CNTLN: variants seen among roughly 807,000 people sequenced by gnomAD.
CNTLN encodes the protein centlein.
A neutral mutation model predicts 180.0 loss-of-function variants in CNTLN; 212 were observed. The observed-to-expected ratio is 1.18, with a 90% CI of 1.05 to 1.32. CNTLN has a LOEUF of 1.32. Ranked by LOEUF, CNTLN falls within the 40% of genes most tolerant of loss-of-function variation. The pLI, the probability that CNTLN is intolerant of heterozygous loss-of-function variation, is 0.00. For synonymous variants in CNTLN, 722 were observed against 563.1 expected, an observed-to-expected ratio of 1.28 and a Z score of -3.99; for missense variants, 2,095 against 1,610.9, an observed-to-expected ratio of 1.30 and a Z score of -5.14.
intron 21 of CNTLN, 53 bp downstream of exon 21, chr9:17,464,676 ACT>A (rs1831642931): frequency 1.8e-6 from 2 of 1,116,086 alleles, no homozygotes; most frequent in African/African-American, 3.3e-5. Context: ...TGTTGTAATT[ACT>A]CTCTTACCAC....
chr9:17,241,310 A>T (rs926956255), intron 5 of CNTLN, among the ~76,000 whole-genome samples: 4 of 152,280 alleles, frequency 2.6e-5, no homozygotes, highest in Non-Finnish European at 4.4e-5. Flanking sequence ...TTAACTGAAG[A>T]CACTGTCTTC....
intron 2 of CNTLN, among the ~76,000 whole-genome samples, chr9:17,154,092 T>G (rs114397203): frequency 0.02 from 3,029 of 152,220 alleles, 66 homozygotes; most frequent in African/African-American, 0.053. Flanking sequence ...CTTGCATTAG[T>G]TTAGAACATG....
chr9:17,473,948 A>T (rs1231221635), intron 23 of CNTLN, among the ~76,000 whole-genome samples: 1 of 152,062 alleles, frequency 6.6e-6, no homozygotes, highest in African/African-American at 2.4e-5. Context: ...GATGTACTAC[A>T]CTGTATTGGT....
At chr9:17,173,037 C>T (rs1820510550) in intron 2 of CNTLN, among the ~76,000 whole-genome samples, 1 of 152,158 alleles carries the variant, frequency 6.6e-6, no homozygotes, top group African/African-American at 2.4e-5. Context: ...AAGTTAATGG[C>T]TTCAGCATCA....
intron 7 of CNTLN, among the ~76,000 whole-genome samples, chr9:17,307,250 T>C (rs1818782103): frequency 6.6e-6 from 1 of 151,662 alleles, no homozygotes; most frequent in Admixed American, 6.6e-5. Context: ...TTTAAATATC[T>C]CCACAATAAT....
At chr9:17,245,531 G>A (rs1007711077) in intron 5 of CNTLN, among the ~76,000 whole-genome samples, 3 of 151,226 alleles carry the variant, frequency 2.0e-5, no homozygotes, top group Admixed American at 6.6e-5. Context: ...TTTTCTTTGG[G>A]TTACATCTAC....
the CNTLN span, among the ~76,000 whole-genome samples, chr9:17,517,406 A>C: frequency 9.9e-5 from 15 of 151,886 alleles, no homozygotes; most frequent in African/African-American, 3.4e-4. Context: ...AAAACAAAAA[A>C]AAAAAGTTAA....
At chr9:17,483,642 A>C (rs936996787) in intron 23 of CNTLN, among the ~76,000 whole-genome samples, 5 of 152,188 alleles carry the variant, frequency 3.3e-5, no homozygotes, top group Admixed American at 1.3e-4. Context: ...ACCCACACGT[A>C]GGTGTGGTAT....
chr9:17,331,953 A>C (rs1820673004), intron 9 of CNTLN, among the ~76,000 whole-genome samples: 1 of 152,062 alleles, frequency 6.6e-6, no homozygotes, highest in African/African-American at 2.4e-5. Context: ...TATTATGGCC[A>C]AAATTTTCTT....
chr9:17,194,691 A>C (rs1045128227), intron 2 of CNTLN, among the ~76,000 whole-genome samples: 1 of 152,184 alleles, frequency 6.6e-6, no homozygotes, highest in African/African-American at 2.4e-5. Flanking sequence ...TTTGTTACCC[A>C]GTTCAAAGTC....
At chr9:17,274,731 G>T (rs1285515132) in intron 6 of CNTLN, among the ~76,000 whole-genome samples, 2 of 152,146 alleles carry the variant, frequency 1.3e-5, no homozygotes, top group South Asian at 2.1e-4. Context: ...TACACATTGG[G>T]TGGAGTTCTT....
chr9:17,339,655 C>A lies in CNTLN; in HGVS notation c.1645-1172C>A, dbSNP rs150824022. ...CCTCCACCACATAAGTATACAAGTT[C>A]ATTCATACAGAAATATGAATAACAG... On this transcript the variant is annotated intron_variant, in intron 10 of 25. Coordinates refer to ENST00000380647, the MANE Select transcript of CNTLN (RefSeq NM_017738.4). Among the ~76,000 whole-genome samples, 753 of 152,212 alleles carry A rather than the reference C, an allele frequency of 4.9e-3. 4 individuals are homozygous for A. The highest frequency in any genetic ancestry group is 0.017 in the African/African-American group (702 of 41,538).
At chr9:17,249,425 T>G (rs1326599184) in intron 5 of CNTLN, among the ~76,000 whole-genome samples, 1 of 146,920 alleles carries the variant, frequency 6.8e-6, no homozygotes. Context: ...CTTGGCTCAC[T>G]GCAAGCTCTA....
At chr9:17,422,437 A>C (rs993140174) in intron 18 of CNTLN, among the ~76,000 whole-genome samples, 4 of 152,160 alleles carry the variant, frequency 2.6e-5, no homozygotes, top group African/African-American at 9.7e-5. Context: ...GTATTTTTAA[A>C]TAGCCCATCT....
chr9:17,315,665 C>T lies in CNTLN; in HGVS notation c.1341+6413C>T, dbSNP rs535841169. The stretch of plus-strand genomic sequence containing the variant: ...ATATATTTTGAGCTCTTTTTTGTAT[C>T]TTCAAAGATTTTTTTCTGTTTGCTT... On this transcript the variant is annotated intron_variant, in intron 8 of 25. Transcript: ENST00000380647. Among the ~76,000 whole-genome samples the T allele has an allele frequency of 3.3e-5, 5 of 151,956 alleles. No homozygotes were observed. The South Asian group carries it at 8.3e-4, about 25-fold the overall frequency.
intron 18 of CNTLN, among the ~76,000 whole-genome samples, chr9:17,454,445 G>A (rs908789660): frequency 2.0e-5 from 3 of 152,210 alleles, no homozygotes; most frequent in African/African-American, 7.2e-5. Context: ...TACCTGTGTA[G>A]TAGTGTAGGA....
intron 6 of CNTLN, among the ~76,000 whole-genome samples, chr9:17,284,781 T>G (rs1391668059): frequency 6.6e-6 from 1 of 152,138 alleles, no homozygotes. Flanking sequence ...ATCTTGGTTA[T>G]TTCTTTTCTT....
intron 8 of CNTLN, among the ~76,000 whole-genome samples, chr9:17,320,813 ATATT>A (rs1819859767): frequency 6.6e-6 from 1 of 152,110 alleles, no homozygotes; most frequent in African/African-American, 2.4e-5. Flanking sequence ...TCATTTATAT[ATATT>A]TATTCTGATC....
intron 23 of CNTLN, among the ~76,000 whole-genome samples, chr9:17,470,078 C>T (rs1831973941): frequency 6.6e-6 from 1 of 151,884 alleles, no homozygotes. Context: ...TGTACATTAA[C>T]ACAGTTGTAA....
Sources: gnomAD v4.1 joint callset for allele counts (sites outside exome capture counted in the v4.1 genomes callset) on GRCh38, gnomAD v4.1.1 for gene constraint, MANE v1.5 for transcripts, NCBI Gene and HGNC (gene_info 2026-07-23, HGNC 2026-07-21) for gene names.